RBM12: variants seen among roughly 807,000 people sequenced by gnomAD.
RBM12 encodes RNA binding motif protein 12, also known as RNA-binding protein 12.
A neutral mutation model predicts 37.2 loss-of-function variants in RBM12; 24 were observed. That is an observed-to-expected ratio of 0.65 (90% confidence interval 0.47 to 0.91). The LOEUF is 0.91. RBM12 is among the 40% of genes least tolerant of loss of function. The pLI is 0.00. For synonymous variants in RBM12, 420 were observed against 425.2 expected, an observed-to-expected ratio of 0.99 and a Z score of 0.15; for missense variants, 1,061 against 1,183.2, an observed-to-expected ratio of 0.90 and a Z score of 1.52.
chr20:35,653,717 C>A lies in RBM12; in HGVS notation c.1606G>T (p.Glu536Ter), dbSNP rs1410043143. The A allele has an allele frequency of 1.2e-6, 2 of 1,614,102 alleles. No homozygotes were observed. The highest frequency in any genetic ancestry group is 1.7e-6 in the Non-Finnish European group (2 of 1,180,062). The stretch of plus-strand genomic sequence containing the variant: ...ACTTTGGCAGAGTTGACATCCCCCT[C>A]TGGATTTAGTATCATTTCCCTCTGG... ...YDQREMILNP[E>*]GDVNSAKVCA... The change falls in exon 3 of 3, where the codon GAG becomes TAG. Residue 536 changes from glutamate to a stop codon, truncating the protein, a stop_gained. Coordinates refer to ENST00000374114, the MANE Select transcript of RBM12 (RefSeq NM_006047.6). LOFTEE classifies it high-confidence loss of function.
In RBM12 at chr20:35,652,818, A is replaced by AGGGCCGGGGCCGGGGCCG; in HGVS notation, c.2487_2504dup (p.Gly832_Pro837dup). 1.9e-6 allele frequency: 3 copies of AGGGCCGGGGCCGGGGCCG among 1,602,570 alleles called. No individual in the cohort carries two copies. The highest frequency in any genetic ancestry group is 2.6e-6 in the Non-Finnish European group (3 of 1,174,128). On this transcript the variant is annotated inframe_insertion, in exon 3 of 3. Coordinates refer to ENST00000374114, the MANE Select transcript of RBM12 (RefSeq NM_006047.6). ...GGGGACCACCAATATGGATTGGGCCAGGGCCGGGGCCGGGGCCGGGGCCAG... is the reference window on the plus strand; with the variant it reads ...GGGGACCACCAATATGGATTGGGCCAGGGCCGGGGCCGGGGCCGGGGCCGGGGCCGGGGCCGGGGCCAG...
At chr20:35,663,134 C>T (rs2034327382) in intron 1 of RBM12, among the ~76,000 whole-genome samples, 2 of 152,156 alleles carry the variant, frequency 1.3e-5, no homozygotes, top group African/African-American at 4.8e-5. Context: ...ACAGTTCTTC[C>T]CAACTTTTTA....
rs1251360033 is a variant in RBM12 at position 35,654,616 on chromosome 20, G to T, written c.707C>A (p.Thr236Asn). Residue 236 changes from threonine to asparagine, a missense_variant, in exon 3 of 3, where the codon ACC becomes AAC. Physicochemically the swap from Thr to Asn is moderately conservative, Grantham distance 65. Transcript: ENST00000374114. ...IPPVPSVPPM[T>N]PLPPMSGMPP... ...CATGCCCGACATGGGTGGCAGTGGG[G>T]TCATGGGTGGCACAGAAGGAACTGG... The T allele has an allele frequency of 6.2e-7, 1 of 1,614,198 alleles. No homozygotes were observed. The highest frequency in any genetic ancestry group is 1.7e-5 in the Admixed American group (1 of 60,022).
Position 35,653,654 on chromosome 20 carries a change from T to C in RBM12, c.1669A>G (p.Lys557Glu), listed in dbSNP as rs1473204836. The part of the protein sequence containing the change: ...HITNIPFSIT[K>E]MDVLQFLEGI... ...TCTAGGAACTGAAGAACATCCATCT[T>C]TGTAATGCTGAATGGAATATTTGTT... Residue 557 changes from lysine to glutamate, a missense_variant, in exon 3 of 3, where the codon AAG becomes GAG. Coordinates refer to ENST00000374114, the MANE Select transcript of RBM12 (RefSeq NM_006047.6). The C allele has an allele frequency of 2.5e-6, 4 of 1,614,092 alleles. No homozygotes were observed. The African/African-American group carries it at 5.3e-5, about 22-fold the overall frequency.
In RBM12 at chr20:35,650,711, C is replaced by CA. The variant is rs2033446102; in HGVS notation, c.*1812_*1813insT. 1 of 152,566 alleles carries CA rather than the reference C, an allele frequency of 6.6e-6. No homozygotes were observed. The highest frequency in any genetic ancestry group is 2.4e-5 in the African/African-American group (1 of 41,422). 9.5% of individuals were successfully genotyped at this position (152,566 alleles called of 1,614,324 possible). On this transcript the variant is annotated 3_prime_UTR_variant, in exon 3 of 3. Transcript: ENST00000374114. ...TAAACAAAAATCCTGTACTGTCAAT[C>CA]CTCTAAGATTGTAGTGATAAAAAGC...
At position 35,658,814 on chromosome 20, in the gene RBM12, C is replaced by T. The variant is rs1477592517; in HGVS notation, c.-23+116G>A. 8.0e-6 allele frequency: 4 copies of T among 502,082 alleles called. No homozygotes were observed. In the African/African-American group the frequency reaches 9.2e-5, roughly 12 times the overall value. 31.1% of individuals were successfully genotyped at this position (502,082 alleles called of 1,614,324 possible). A position where few individuals can be genotyped will look rare whatever the true frequency, so the allele number is the denominator to read the frequency against. ...ACAAGCAAACAAAAACACACACACA[C>T]ACACACACACACACACACACACACA... On this transcript the variant is annotated intron_variant, in intron 2 of 2. Coordinates refer to ENST00000374114, the MANE Select transcript of RBM12 (RefSeq NM_006047.6).
At chr20:35,659,057 C>T in intron 1 of RBM12, 43 bp from the exon 2 acceptor site, 1 of 702,502 alleles carries the variant, frequency 1.4e-6, no homozygotes, top group Non-Finnish European at 2.6e-6. Context: ...ATGCAGGAAA[C>T]ACAAAACAAC....
At position 35,652,702 on chromosome 20, in the gene RBM12, T is replaced by A; in HGVS notation, c.2621A>T (p.Asp874Val). The change falls in exon 3 of 3, where the codon GAT becomes GTT. Residue 874 changes from aspartate (D) to valine (V), a missense_variant. By Grantham distance (152) the Asp-to-Val change is radical. Around this residue, in one of 3 missense-constraint regions of RBM12, gnomAD observed 517 missense variants for 534.0 expected, o/e 0.97. Transcript: ENST00000374114. ...PFTVSIDEILDFFYGYQVIPG... is the reference protein window; with the variant it reads ...PFTVSIDEILVFFYGYQVIPG... ...GATTACTTGATAGCCATAAAAGAAA[T>A]CTAAAATCTCATCAATAGACACAGT... 1.2e-6 allele frequency: 2 copies of A among 1,614,044 alleles called. No homozygotes were observed. Among genetic ancestry groups the A allele is most frequent in the Non-Finnish European group, 1.7e-6 (2 of 1,179,930 alleles).
Position 35,652,435 on chromosome 20 carries a change from G to C in RBM12, c.*89C>G. ...CTATATGCAATTGAAACAATCCACAGGTTCTAACCTGGAAATACTAGGAAA... is the reference window on the plus strand; with the variant it reads ...CTATATGCAATTGAAACAATCCACACGTTCTAACCTGGAAATACTAGGAAA... On this transcript the variant is annotated 3_prime_UTR_variant, in exon 3 of 3. Coordinates refer to ENST00000374114, the MANE Select transcript of RBM12 (RefSeq NM_006047.6). The C allele has an allele frequency of 7.0e-7, 1 of 1,434,198 alleles. No individual in the cohort carries two copies. The highest frequency in any genetic ancestry group is 9.4e-7 in the Non-Finnish European group (1 of 1,062,964). 88.8% of individuals were successfully genotyped at this position (1,434,198 alleles called of 1,614,324 possible).
rs2033644534 is a variant in RBM12, at chr20:35,653,068, G to A, written c.2255C>T (p.Pro752Leu). 1.2e-6 allele frequency: 2 copies of A among 1,613,818 alleles called. No individual in the cohort carries two copies. The highest frequency in any genetic ancestry group is 1.7e-6 in the Non-Finnish European group (2 of 1,180,040). The change falls in exon 3 of 3, where the codon CCT (proline) becomes CTT (leucine). Residue 752 changes from proline (P) to leucine (L), a missense_variant. Pro to Leu is a moderately conservative substitution (Grantham distance 98, BLOSUM62 -3). Coordinates refer to ENST00000374114, the MANE Select transcript of RBM12 (RefSeq NM_006047.6). ...LGGGAFGDAR[P>L]GMPSVGNSGL... ...ACTGTTTCCAACTGAAGGCATACCAGGCCTAGCATCACCAAAGGCCCCGCC... is the reference window on the plus strand; with the variant it reads ...ACTGTTTCCAACTGAAGGCATACCAAGCCTAGCATCACCAAAGGCCCCGCC...
At position 35,654,509 on chromosome 20, in the gene RBM12, G is replaced by T. The variant is rs2033766736; in HGVS notation, c.814C>A (p.Leu272Met). Residue 272 changes from leucine (L) to methionine (M), a missense_variant, in exon 3 of 3, where the codon CTG becomes ATG. This residue lies in a region of RBM12 where 540 missense variants were observed against 632.7 expected (regional missense o/e 0.85). Transcript: ENST00000374114. ...AACGGACCAAGAAACATAGGATTCA[G>T]ATTATTGTTCAAATTCATAGGTGCT... ...SGAPMNLNNN[L>M]NPMFLGPLNP... 2.5e-6 allele frequency: 4 copies of T among 1,614,218 alleles called. No homozygotes were observed. In the South Asian group the frequency reaches 3.3e-5, roughly 13 times the overall value.
At position 35,653,639 on chromosome 20, in the gene RBM12, G is replaced by A; in HGVS notation, c.1684C>T (p.Gln562Ter). The change falls in exon 3 of 3, where the codon CAG (glutamine) becomes TAG (stop). Residue 562 changes from glutamine (Q) to a stop codon, truncating the protein, a stop_gained. Transcript: ENST00000374114. LOFTEE classifies it high-confidence loss of function. The part of the protein sequence containing the change: ...PFSITKMDVL[Q>*]FLEGIPVDEN... ...TCCACTGGGATTCCTTCTAGGAACT[G>A]AAGAACATCCATCTTTGTAATGCTG... is the stretch of plus-strand genomic sequence containing the variant. 1 of 1,614,174 alleles carries A rather than the reference G, an allele frequency of 6.2e-7. No individual in the cohort carries two copies. The highest frequency in any genetic ancestry group is 8.5e-7 in the Non-Finnish European group (1 of 1,180,054).
chr20:35,657,897 C>T (rs2033995854), intron 2 of RBM12, among the ~76,000 whole-genome samples: 1 of 152,032 alleles, frequency 6.6e-6, no homozygotes, highest in South Asian at 2.1e-4. Flanking sequence ...CCCGTCTCTA[C>T]TAAAAACACA....
At chr20:35,659,151 A>G (rs906312639) in intron 1 of RBM12, 137 bp from the exon 2 acceptor site, 23 of 464,886 alleles carry the variant, frequency 4.9e-5, no homozygotes, top group African/African-American at 4.6e-4. Flanking sequence ...AAAAAAAAAA[A>G]AAAAGAAAGA....
In RBM12 at chr20:35,653,320, G is replaced by A; in HGVS notation, c.2003C>T (p.Pro668Leu). ...TCCTGTGCTGGGCAGGCCTGCACCGGGAAGTCCTGCACTGGGCAGTCCCAC... is the reference window on the plus strand; with the variant it reads ...TCCTGTGCTGGGCAGGCCTGCACCGAGAAGTCCTGCACTGGGCAGTCCCAC... ...PGVGLPSAGL[P>L]GAGLPSTGLP... The change falls in exon 3 of 3, where the codon CCC (proline) becomes CTC (leucine). Residue 668 changes from proline (P) to leucine (L), a missense_variant. Transcript: ENST00000374114. The A allele has an allele frequency of 6.2e-7, 1 of 1,613,906 alleles. No homozygotes were observed. The highest frequency in any genetic ancestry group is 8.5e-7 in the Non-Finnish European group (1 of 1,179,900).
rs1472769046 is a variant in RBM12, at chr20:35,653,739, C to T, written c.1584G>A (p.Gln528=). The change falls in exon 3 of 3, where the codon CAG becomes CAA. Residue 528 remains glutamine, a synonymous_variant. Transcript: ENST00000374114. ...CCTCTGGATTTAGTATCATTTCCCT[C>T]TGGTCATAGCTGAAGTTCTGCAGTC... ...RKRLQNFSYD[Q]REMILNPEGD... is the part of the protein sequence containing the mutation. 3 of 1,614,074 alleles carry T rather than the reference C, an allele frequency of 1.9e-6. No individual in the cohort carries two copies. In the African/African-American group the frequency reaches 4.0e-5, roughly 22 times the overall value.
At position 35,653,233 on chromosome 20, in the gene RBM12, A is replaced by G. The variant is rs766966172; in HGVS notation, c.2090T>C (p.Ile697Thr). 9 of 1,613,566 alleles carry G rather than the reference A, an allele frequency of 5.6e-6. No individual in the cohort carries two copies. The highest frequency in any genetic ancestry group is 7.6e-6 in the Non-Finnish European group (9 of 1,179,922). ...ATGCTCTTCACCTCCTGCACTAGGT[A>G]TTCCTGCACTGGGCATTCCCGCACC... ...LPGAGMPSAG[I>T]PSAGGEEHAF... The change falls in exon 3 of 3, where the codon ATA becomes ACA. Residue 697 changes from isoleucine (I) to threonine (T), a missense_variant. This residue lies in a region of RBM12 where 517 missense variants were observed against 534.0 expected (regional missense o/e 0.97). Coordinates refer to ENST00000374114, the MANE Select transcript of RBM12 (RefSeq NM_006047.6).
In RBM12 at chr20:35,648,984, T is replaced by A. The variant is rs2033315637; in HGVS notation, c.*3540A>T. On this transcript the variant is annotated 3_prime_UTR_variant, in exon 3 of 3. Transcript: ENST00000374114. ...ATTTTTTGACAAGTTTATTGAACAG[T>A]ATTCAAGACTTCATCTTTATAAACA... 2 of 152,780 alleles carry A rather than the reference T, an allele frequency of 1.3e-5. No individual in the cohort carries two copies. Among genetic ancestry groups the A allele is most frequent in the South Asian group, 4.1e-4 (2 of 4,828 alleles). The allele number at this position is 152,780 out of a possible 1,614,324, so 9.5% of individuals were successfully genotyped here.
At position 35,651,814 on chromosome 20, in the gene RBM12, CCA is replaced by C. The variant is rs1468179997; in HGVS notation, c.*708_*709del. ...TTATTTTTATGGCAAAAGTCTTATT[CCA>C]CACAGTTTTAAGTGTGACATTAGAA... On this transcript the variant is annotated 3_prime_UTR_variant, in exon 3 of 3. Coordinates refer to ENST00000374114, the MANE Select transcript of RBM12 (RefSeq NM_006047.6). The C allele has an allele frequency of 6.6e-6, 1 of 152,554 alleles. No individual in the cohort carries two copies. Among genetic ancestry groups the C allele is most frequent in the Non-Finnish European group, 1.5e-5 (1 of 68,030 alleles). The allele number at this position is 152,554 out of a possible 1,614,324, so 9.5% of individuals were successfully genotyped here. A position where few individuals can be genotyped will look rare whatever the true frequency, so the allele number is the denominator to read the frequency against.
Sources: gnomAD v4.1 joint callset for allele counts (sites outside exome capture counted in the v4.1 genomes callset) on GRCh38, gnomAD v4.1.1 for gene constraint, gnomAD v4.1.1 regional missense constraint, MANE v1.5 for transcripts, NCBI Gene and HGNC (gene_info 2026-07-23, HGNC 2026-07-21) for gene names.